The following RPTOR variants were observed in gnomAD, a reference collection of about 807,000 sequenced individuals.
RPTOR encodes regulatory associated protein of MTOR complex 1, also known as regulatory-associated protein of mTOR.
Under a neutral mutation model 169.9 loss-of-function variants are expected in RPTOR, and 21 were observed. The observed-to-expected ratio is 0.12, with a 90% CI of 0.09 to 0.18. The LOEUF is 0.18. Among genes scored for constraint, RPTOR ranks in the 10% least tolerant of loss-of-function variants. The pLI, the probability that RPTOR is intolerant of heterozygous loss-of-function variation, is 1.00. For synonymous variants in RPTOR, 732 were observed against 753.2 expected, an observed-to-expected ratio of 0.97 and a Z score of 0.46; for missense variants, 1,133 against 1,855.9, an observed-to-expected ratio of 0.61 and a Z score of 7.16.
At chr17:80,858,709 G>T (rs957717848) in intron 13 of RPTOR, among the ~76,000 whole-genome samples, 2 of 152,146 alleles carry the variant, frequency 1.3e-5, no homozygotes, top group Non-Finnish European at 2.9e-5. Flanking sequence ...GGGCCTTGAG[G>T]GGGTGGATGT....
At position 80,884,765 on chromosome 17, in the gene RPTOR, C is replaced by T. The variant is rs553563670; in HGVS notation, c.1843-243C>T. ...GGTGCCTGGTTTGGTGTTTCAGTTC[C>T]CGGGGCAATGCAGCTCCCGCCTCTG... On this transcript the variant is annotated intron_variant, in intron 16 of 33. Transcript: ENST00000306801. Among the ~76,000 whole-genome samples the T allele has an allele frequency of 2.0e-5, 3 of 152,344 alleles. No homozygotes were observed. The East Asian group carries it at 5.8e-4, about 29-fold the overall frequency.
intron 23 of RPTOR, chr17:80,924,033 C>A (rs2068781983): frequency 6.1e-6 from 2 of 328,332 alleles, no homozygotes; most frequent in Non-Finnish European, 1.1e-5. Flanking sequence ...TCTGCCCTTC[C>A]TGGGCACACA....
At chr17:80,594,882 G>A (rs1054371655) in intron 1 of RPTOR, among the ~76,000 whole-genome samples, 6 of 152,134 alleles carry the variant, frequency 3.9e-5, no homozygotes, top group African/African-American at 9.7e-5. Flanking sequence ...TTGTGACAAC[G>A]AATCCCTTTT....
intron 24 of RPTOR, among the ~76,000 whole-genome samples, chr17:80,925,994 G>C (rs949390471): frequency 9.8e-5 from 15 of 152,358 alleles, no homozygotes; most frequent in Non-Finnish European, 1.6e-4. Context: ...TCGAGGAATG[G>C]GGCGGGAGCT....
chr17:80,924,412 G>C (rs2068786622), intron 23 of RPTOR, among the ~76,000 whole-genome samples: 1 of 152,124 alleles, frequency 6.6e-6, no homozygotes, highest in Admixed American at 6.5e-5. Flanking sequence ...GTAATCCAGT[G>C]ATTTTAAAAG....
intron 20 of RPTOR, among the ~76,000 whole-genome samples, chr17:80,900,042 G>A (rs1487324650): frequency 2.0e-5 from 3 of 152,122 alleles, no homozygotes; most frequent in East Asian, 1.9e-4. Context: ...CACCTGTGTC[G>A]AAGCCAGTAC....
chr17:80,621,190 G>A (rs901060), intron 1 of RPTOR, among the ~76,000 whole-genome samples: 52,668 of 152,004 alleles, frequency 0.35, 9,308 homozygotes, highest in African/African-American at 0.4. Flanking sequence ...GACCACACTT[G>A]CTGACAGGCA....
rs767518186 is a variant in RPTOR at position 80,947,389 on chromosome 17, G to C, written c.3265+38G>C. ...TGCACAGCCAGGATTGGAAGCCAGG[G>C]TCTGGAGGAGTGGCGGGGAGGGTGT... On this transcript the variant is annotated intron_variant, in intron 27 of 33. Transcript: ENST00000306801. The surrounding 1 kb of genome is among the most constrained non-coding windows in gnomAD (Gnocchi z 4.4). 4 of 1,506,498 alleles carry C rather than the reference G, an allele frequency of 2.7e-6. No homozygotes were observed. The Admixed American group carries it at 9.3e-5, about 35-fold the overall frequency. The allele number at this position is 1,506,498 out of a possible 1,614,324, so 93.3% of individuals were successfully genotyped here.
At position 80,730,769 on chromosome 17, in the gene RPTOR, T is replaced by TG; in HGVS notation, c.654+63_654+64insG. ...GGTTTTGTTTTCCCTGGGGGTGGGG[T>TG]TTGGGTGGGGAGGTTGGGAGGTGTT... On this transcript the variant is annotated intron_variant, in intron 5 of 33. Coordinates refer to ENST00000306801, the MANE Select transcript of RPTOR (RefSeq NM_020761.3). The surrounding 1 kb of genome is among the most constrained non-coding windows in gnomAD (Gnocchi z 4.2). The TG allele has an allele frequency of 7.7e-7, 1 of 1,291,278 alleles. No homozygotes were observed. Among genetic ancestry groups the TG allele is most frequent in the Non-Finnish European group, 1.1e-6 (1 of 910,884 alleles). The allele number at this position is 1,291,278 out of a possible 1,614,324, so 80.0% of individuals were successfully genotyped here.
At chr17:80,616,298 C>T (rs202052564) in intron 1 of RPTOR, among the ~76,000 whole-genome samples, 107 of 113,244 alleles carry the variant, frequency 9.4e-4, no homozygotes, top group East Asian at 1.8e-3. Flanking sequence ...AATTGAAAAT[C>T]TTTTTTTTTT....
chr17:80,854,474 A>G (rs1425946299), intron 11 of RPTOR, among the ~76,000 whole-genome samples: 1 of 152,212 alleles, frequency 6.6e-6, no homozygotes, highest in Non-Finnish European at 1.5e-5. Context: ...CCTCAGGGTC[A>G]TTTGGTAACT....
intron 16 of RPTOR, 43 bp downstream of exon 16, chr17:80,884,015 G>T (rs760362247): frequency 1.3e-6 from 2 of 1,578,794 alleles, no homozygotes; most frequent in Admixed American, 3.4e-5. Flanking sequence ...CCTGGCTGCC[G>T]ACTGCGGGGG....
At chr17:80,554,182 T>C (rs2084378657) in intron 1 of RPTOR, among the ~76,000 whole-genome samples, 1 of 151,874 alleles carries the variant, frequency 6.6e-6, no homozygotes, top group South Asian at 2.1e-4. Flanking sequence ...TGAGTCACCA[T>C]GCCTAGATTT....
intron 3 of RPTOR, among the ~76,000 whole-genome samples, chr17:80,647,634 A>T (rs1284489866): frequency 6.6e-6 from 1 of 152,220 alleles, no homozygotes; most frequent in Non-Finnish European, 1.5e-5. Flanking sequence ...CTATGGGAAT[A>T]TCTATCATTT....
rs190392958 is a variant in RPTOR at position 80,693,497 on chromosome 17, A to C, written c.349-14344A>C. Among the ~76,000 whole-genome samples the C allele has an allele frequency of 2.2e-3, 333 of 152,314 alleles. 1 individual carries two copies. The highest frequency in any genetic ancestry group is 0.014 in the Middle Eastern group (4 of 294). On this transcript the variant is annotated intron_variant, in intron 3 of 33. Transcript: ENST00000306801. ...TGTCTGCCTCTTCTGCAAATTAAGGAAGGAAGGAAGAATTGTTACTGAATA... is the reference window on the plus strand; with the variant it reads ...TGTCTGCCTCTTCTGCAAATTAAGGCAGGAAGGAAGAATTGTTACTGAATA...
intron 13 of RPTOR, among the ~76,000 whole-genome samples, chr17:80,879,864 C>A (rs750272139): frequency 2.3e-4 from 35 of 152,226 alleles, no homozygotes; most frequent in Non-Finnish European, 3.8e-4. Context: ...AAACCTCCCA[C>A]CTTGGGGCTG....
chr17:80,766,268 G>A (rs1598290557), intron 6 of RPTOR, among the ~76,000 whole-genome samples: 1 of 152,188 alleles, frequency 6.6e-6, no homozygotes, highest in Non-Finnish European at 1.5e-5. Flanking sequence ...GCCCAGGCTG[G>A]TCTCGAACTC....
At chr17:80,548,882 A>G (rs921481061) in intron 1 of RPTOR, among the ~76,000 whole-genome samples, 1 of 151,950 alleles carries the variant, frequency 6.6e-6, no homozygotes, top group Non-Finnish European at 1.5e-5. Context: ...GCAAGCTGAG[A>G]TTTTGCTTCT....
intron 9 of RPTOR, among the ~76,000 whole-genome samples, chr17:80,833,131 A>G (rs1013042826): frequency 2.0e-5 from 3 of 152,064 alleles, no homozygotes; most frequent in African/African-American, 7.2e-5. Context: ...CTGACTGATC[A>G]GCGCAGATGG....
Sources: allele counts gnomAD v4.1 joint callset (sites outside exome capture counted in the v4.1 genomes callset), GRCh38; gene constraint gnomAD v4.1.1; non-coding constraint Gnocchi (gnomAD v3.1); transcripts MANE v1.5; gene names NCBI Gene and HGNC (gene_info 2026-07-23, HGNC 2026-07-21).